Variants in EIF2AK4 observed in about 807,000 individuals in gnomAD.
EIF2AK4 encodes the protein eukaryotic translation initiation factor 2 alpha kinase 4.
Under a neutral mutation model 211.1 loss-of-function variants are expected in EIF2AK4, and 139 were observed. The observed-to-expected ratio is 0.66, with a 90% CI of 0.57 to 0.76. The LOEUF (loss-of-function observed/expected upper bound fraction) is 0.76. Among genes scored for constraint, EIF2AK4 ranks in the 30% least tolerant of loss-of-function variants. The pLI, the probability that EIF2AK4 is intolerant of heterozygous loss-of-function variation, is 0.00. For missense variants in EIF2AK4, 1,664 were observed against 2,043.8 expected, an observed-to-expected ratio of 0.81 and a Z score of 3.58; for synonymous variants, 710 against 751.3, an observed-to-expected ratio of 0.94 and a Z score of 0.90.
intron 15 of EIF2AK4, 35 bp downstream of exon 15, chr15:39,988,140 T>G (rs1422469088): frequency 6.2e-7 from 1 of 1,606,688 alleles, no homozygotes; most frequent in Non-Finnish European, 8.5e-7. Context: ...TGAAGACTTA[T>G]GTTTACATAA....
At position 39,955,741 on chromosome 15, in the gene EIF2AK4, A is replaced by G. The variant is rs754785318; in HGVS notation, c.716A>G (p.His239Arg). The G allele has an allele frequency of 9.3e-6, 15 of 1,611,722 alleles. No homozygotes were observed. Among genetic ancestry groups the G allele is most frequent in the South Asian group, 1.1e-5 (1 of 90,432 alleles). ...CCTGACTTTGTAGGAAATGGTAAACATCGGGCAAACTCCTCAGGAAGGTCT... is the reference window on the plus strand; with the variant it reads ...CCTGACTTTGTAGGAAATGGTAAACGTCGGGCAAACTCCTCAGGAAGGTCT... The part of the protein sequence containing the change: ...GSPDFVGNGK[H>R]RANSSGRSRR... The change falls in exon 6 of 39, where the codon CAT (histidine) becomes CGT (arginine). Residue 239 changes from histidine to arginine, a missense_variant. By Grantham distance (29) the His-to-Arg change is conservative. Transcript: ENST00000263791.
intron 14 of EIF2AK4, 121 bp from the exon 15 acceptor site, chr15:39,987,862 T>A: frequency 8.8e-7 from 1 of 1,132,590 alleles, no homozygotes; most frequent in Non-Finnish European, 1.2e-6. Context: ...ACCAAGTCTT[T>A]CCCCTAACCG....
At chr15:40,006,556 A>G (rs147172035) in intron 23 of EIF2AK4, among the ~76,000 whole-genome samples, 131 of 152,320 alleles carry the variant, frequency 8.6e-4, no homozygotes, top group African/African-American at 3.0e-3. Context: ...TGTGGTTACT[A>G]TTTGAAGGTG....
chr15:40,001,633 CA>C (rs11383908), intron 21 of EIF2AK4, among the ~76,000 whole-genome samples: 38 of 120,302 alleles, frequency 3.2e-4, no homozygotes, highest in Admixed American at 6.6e-4. Flanking sequence ...GACCCCAACT[CA>C]AAAAAAAAAA....
intron 6 of EIF2AK4, among the ~76,000 whole-genome samples, chr15:39,960,766 T>G (rs148562963): frequency 4.5e-4 from 69 of 152,248 alleles, no homozygotes; most frequent in African/African-American, 1.6e-3. Flanking sequence ...GAGACCTTTG[T>G]AGGGGATGGG....
chr15:39,992,931 C>A, intron 18 of EIF2AK4, 83 bp downstream of exon 18: 2 of 1,327,132 alleles, frequency 1.5e-6, no homozygotes, highest in Non-Finnish European at 2.2e-6. Context: ...TTAGTCCCGG[C>A]TAAAATAGTC....
chr15:39,943,575 A>T, intron 3 of EIF2AK4, 90 bp downstream of exon 3: 1 of 1,016,492 alleles, frequency 9.8e-7, no homozygotes, highest in South Asian at 1.5e-5. Flanking sequence ...TTTGTGTTTT[A>T]TTGGTTCTAC....
chr15:39,948,035 C>G (rs1204794292), intron 3 of EIF2AK4, among the ~76,000 whole-genome samples: 5 of 152,220 alleles, frequency 3.3e-5, no homozygotes, highest in Non-Finnish European at 7.3e-5. Flanking sequence ...TAACCTGCCT[C>G]TTAGACTGTA....
intron 3 of EIF2AK4, chr15:39,946,700 A>G (rs1265962248): frequency 1.4e-6 from 1 of 699,272 alleles, no homozygotes; most frequent in East Asian, 2.7e-5. Flanking sequence ...AGGAAGAGTC[A>G]ATCGATGCAG....
Position 40,032,243 on chromosome 15 carries a change from T to C in EIF2AK4, c.4728+6T>C. Reference sequence around the variant, plus strand: ...GTGAAATTGAAATTCTGGCTGTAAGTGGCTTTCTTTAGTATTTTGAAGGTG... The same window carrying C: ...GTGAAATTGAAATTCTGGCTGTAAGCGGCTTTCTTTAGTATTTTGAAGGTG... On this transcript the variant is annotated splice_donor_region_variant and intron_variant, in intron 36 of 38. Coordinates refer to ENST00000263791, the MANE Select transcript of EIF2AK4 (RefSeq NM_001013703.4). 1.2e-6 allele frequency: 2 copies of C among 1,613,946 alleles called. No individual in the cohort carries two copies. The highest frequency in any genetic ancestry group is 1.7e-5 in the Admixed American group (1 of 60,026).
At chr15:40,017,501 C>CTTTTTT in intron 29 of EIF2AK4, among the ~76,000 whole-genome samples, 1 of 26,128 alleles carries the variant, frequency 3.8e-5, no homozygotes, top group African/African-American at 1.6e-4. Context: ...TACTCTGTTT[C>CTTTTTT]TATATATATA....
At chr15:39,934,889 C>T (rs1325000363) in intron 1 of EIF2AK4, among the ~76,000 whole-genome samples, 1 of 152,190 alleles carries the variant, frequency 6.6e-6, no homozygotes, top group African/African-American at 2.4e-5. Context: ...CTGCACCTTC[C>T]TCTAAGACAT....
chr15:39,937,589 C>A (rs1297288564), intron 1 of EIF2AK4, among the ~76,000 whole-genome samples: 1 of 151,470 alleles, frequency 6.6e-6, no homozygotes, highest in Non-Finnish European at 1.5e-5. Flanking sequence ...CCTTTTTTTT[C>A]TTTTATGGTC....
chr15:39,951,825 C>A, intron 4 of EIF2AK4: 1 of 157,984 alleles, frequency 6.3e-6, no homozygotes, highest in Non-Finnish European at 1.4e-5. Flanking sequence ...TAGAGACCTC[C>A]TTACTTACCC....
intron 24 of EIF2AK4, among the ~76,000 whole-genome samples, chr15:40,007,313 A>T (rs1048634411): frequency 1.2e-4 from 18 of 152,180 alleles, no homozygotes; most frequent in Non-Finnish European, 2.2e-4. Context: ...TGTACCTTCT[A>T]AATGTCCCCA....
intron 33 of EIF2AK4, 44 bp from the exon 34 acceptor site, chr15:40,029,362 C>A: frequency 6.2e-7 from 1 of 1,606,330 alleles, no homozygotes; most frequent in Non-Finnish European, 8.5e-7. Context: ...GTTGCTTGTG[C>A]CTTATTGACT....
chr15:39,943,346 TA>T, intron 2 of EIF2AK4, 36 bp from the exon 3 acceptor site: 1 of 1,373,960 alleles, frequency 7.3e-7, no homozygotes, highest in Non-Finnish European at 9.8e-7. Context: ...CTTTCTGGAG[TA>T]ACTCTTTTTT....
Position 40,023,271 on chromosome 15 carries a change from A to G in EIF2AK4, c.4389+666A>G, listed in dbSNP as rs183202992. On this transcript the variant is annotated intron_variant, in intron 32 of 38. Coordinates refer to ENST00000263791, the MANE Select transcript of EIF2AK4 (RefSeq NM_001013703.4). The stretch of plus-strand genomic sequence containing the variant: ...TGTATTCAACTAAAAGTGTTCATAA[A>G]TATACCACCTCATAACCTTTATTTC... Among the ~76,000 whole-genome samples the G allele has an allele frequency of 5.9e-5, 9 of 152,364 alleles. No homozygotes were observed. The East Asian group carries it at 1.2e-3, about 20-fold the overall frequency.
At chr15:39,992,551 C>T in intron 17 of EIF2AK4, 1 of 589,020 alleles carries the variant, frequency 1.7e-6, no homozygotes, top group Non-Finnish European at 3.0e-6. Context: ...CACTGTCCCT[C>T]CTCTTCAATA....
Sources: allele counts gnomAD v4.1 joint callset (sites outside exome capture counted in the v4.1 genomes callset), GRCh38; gene constraint gnomAD v4.1.1; transcripts MANE v1.5; gene names NCBI Gene and HGNC (gene_info 2026-07-23, HGNC 2026-07-21).